The following TAFA2 variants were observed in gnomAD, a reference collection of about 807,000 sequenced individuals.
The protein encoded by TAFA2 is TAFA chemokine like family member 2, also known as chemokine-like protein TAFA-2.
In TAFA2, 7 loss-of-function variants were observed where a neutral mutation model predicts 18.8. That is an observed-to-expected ratio of 0.37 (90% confidence interval 0.21 to 0.70). The LOEUF (loss-of-function observed/expected upper bound fraction) is 0.70, where lower values mean the gene tolerates loss of function less well. TAFA2 is among the 30% of genes least tolerant of loss of function. The pLI is 0.53. For synonymous variants in TAFA2, 60 were observed against 54.2 expected (o/e 1.11, Z -0.47); for missense variants, 122 against 158.1 (o/e 0.77, Z 1.23).
At chr12:61,958,770 T>C (rs540432347) in intron 1 of TAFA2, among the ~76,000 whole-genome samples, 1 of 152,164 alleles carries the variant, frequency 6.6e-6, no homozygotes, top group Admixed American at 6.6e-5. Context: ...TGGGTTTTCA[T>C]ACATAGGTTT....
intron 1 of TAFA2, among the ~76,000 whole-genome samples, chr12:62,036,008 G>A (rs1025268882): frequency 6.6e-6 from 1 of 151,872 alleles, no homozygotes; most frequent in African/African-American, 2.4e-5. Flanking sequence ...CCAAAGTGCT[G>A]GGATTACAGG....
At chr12:61,828,120 T>C (rs751530610) in intron 2 of TAFA2, among the ~76,000 whole-genome samples, 1 of 151,956 alleles carries the variant, frequency 6.6e-6, no homozygotes, top group Non-Finnish European at 1.5e-5. Context: ...AAACAACCTG[T>C]GTACTCAGCC....
At chr12:61,996,252 A>G (rs773067628) in intron 1 of TAFA2, among the ~76,000 whole-genome samples, 6 of 152,194 alleles carry the variant, frequency 3.9e-5, no homozygotes, top group Admixed American at 6.5e-5. Flanking sequence ...TAAGGAACCA[A>G]TTTAATTCAG....
At chr12:62,022,177 G>A in intron 1 of TAFA2, 1 of 372,484 alleles carries the variant, frequency 2.7e-6, no homozygotes, top group Non-Finnish European at 5.4e-6. Flanking sequence ...TTGGTGTAAA[G>A]GAAAGGCTTC....
intron 1 of TAFA2, among the ~76,000 whole-genome samples, chr12:61,997,633 G>C (rs1363791616): frequency 6.6e-6 from 1 of 152,122 alleles, no homozygotes; most frequent in African/African-American, 2.4e-5. Context: ...CAAATTCACT[G>C]TGGGAGGGCA....
At chr12:61,925,759 A>G (rs1877262329) in intron 1 of TAFA2, among the ~76,000 whole-genome samples, 1 of 152,190 alleles carries the variant, frequency 6.6e-6, no homozygotes, top group African/African-American at 2.4e-5. Context: ...GGAAAGATCT[A>G]AAATCGACAC....
chr12:61,841,378 T>A (rs1179080991), intron 2 of TAFA2, among the ~76,000 whole-genome samples: 1 of 152,102 alleles, frequency 6.6e-6, no homozygotes, highest in African/African-American at 2.4e-5. Context: ...GATACAAAGT[T>A]AACCAGGTAC....
At chr12:61,810,304 G>A (rs1041389378) in intron 2 of TAFA2, among the ~76,000 whole-genome samples, 1 of 149,532 alleles carries the variant, frequency 6.7e-6, no homozygotes, top group African/African-American at 2.5e-5. Context: ...TTTTAAGAAG[G>A]CTTAGCCATT....
intron 1 of TAFA2, among the ~76,000 whole-genome samples, chr12:61,927,913 G>T (rs1276321493): frequency 2.0e-5 from 3 of 152,208 alleles, no homozygotes; most frequent in Non-Finnish European, 4.4e-5. Context: ...AATGGGGAAA[G>T]CATTCCCTAT....
intron 1 of TAFA2, among the ~76,000 whole-genome samples, chr12:62,208,259 G>A (rs937771970): frequency 1.3e-4 from 20 of 152,048 alleles, no homozygotes; most frequent in African/African-American, 4.8e-4. Context: ...TATCATTTCA[G>A]GGGTCAAGGA....
At chr12:62,176,545 G>A (rs1177066020) in intron 1 of TAFA2, among the ~76,000 whole-genome samples, 1 of 152,176 alleles carries the variant, frequency 6.6e-6, no homozygotes, top group South Asian at 2.1e-4. Context: ...TGAAGAGTTA[G>A]AGCTTTTTTT....
chr12:61,914,094 A>G (rs1876721437), intron 1 of TAFA2, among the ~76,000 whole-genome samples: 1 of 152,174 alleles, frequency 6.6e-6, no homozygotes, highest in Non-Finnish European at 1.5e-5. Flanking sequence ...ACTAGATTTG[A>G]GGACACCAGG....
chr12:61,928,663 G>A (rs762262528), intron 1 of TAFA2, among the ~76,000 whole-genome samples: 2 of 152,120 alleles, frequency 1.3e-5, no homozygotes, highest in Non-Finnish European at 2.9e-5. Flanking sequence ...TCCCATTACT[G>A]GGTACATACC....
At chr12:62,122,321 G>A (rs1870234896) in intron 1 of TAFA2, among the ~76,000 whole-genome samples, 1 of 152,116 alleles carries the variant, frequency 6.6e-6, no homozygotes, top group African/African-American at 2.4e-5. Flanking sequence ...AAAAGACAAA[G>A]TAGTCTAGAT....
chr12:62,176,674 A>T (rs1227964430), intron 1 of TAFA2, among the ~76,000 whole-genome samples: 1 of 152,256 alleles, frequency 6.6e-6, no homozygotes, highest in Non-Finnish European at 1.5e-5. Context: ...GGAGAATCAT[A>T]GAAATGCATT....
At chr12:62,225,800 G>C (rs1229584385) in intron 1 of TAFA2, among the ~76,000 whole-genome samples, 1 of 152,152 alleles carries the variant, frequency 6.6e-6, no homozygotes, top group Non-Finnish European at 1.5e-5. Flanking sequence ...AGTTTGACAA[G>C]GATCAGAAAG....
chr12:62,217,497 T>G (rs1190633495), intron 1 of TAFA2, among the ~76,000 whole-genome samples: 2 of 152,224 alleles, frequency 1.3e-5, no homozygotes, highest in East Asian at 3.8e-4. Flanking sequence ...AAACTGTCTG[T>G]TATGAGGTAG....
At position 62,081,427 on chromosome 12, in the gene TAFA2, C is replaced by T. The variant is rs1294889652; in HGVS notation, c.-2+109832G>A. 2.6e-5 allele frequency among the ~76,000 whole-genome samples: 4 copies of T among 151,862 alleles called. No individual in the cohort carries two copies. The East Asian group carries it at 7.7e-4, about 29-fold the overall frequency. On this transcript the variant is annotated intron_variant, in intron 1 of 4. Coordinates refer to ENST00000416284, the MANE Select transcript of TAFA2 (RefSeq NM_178539.5). ...TTTCCACAGCAAGTTAGGTAAAGAACCAAGAAGCAGATTCCAATTTTTTTC... is the reference window on the plus strand; with the variant it reads ...TTTCCACAGCAAGTTAGGTAAAGAATCAAGAAGCAGATTCCAATTTTTTTC...
At chr12:61,908,660 T>G (rs754441301) in intron 1 of TAFA2, among the ~76,000 whole-genome samples, 1 of 152,172 alleles carries the variant, frequency 6.6e-6, no homozygotes, top group Non-Finnish European at 1.5e-5. Flanking sequence ...GTCTCAAAAC[T>G]GAGTCTGCCA....
Sources: gnomAD v4.1 joint callset for allele counts (sites outside exome capture counted in the v4.1 genomes callset) on GRCh38, gnomAD v4.1.1 for gene constraint, MANE v1.5 for transcripts, NCBI Gene and HGNC (gene_info 2026-07-23, HGNC 2026-07-21) for gene names.